Variants in CDH8 observed in about 807,000 individuals in gnomAD.
The protein encoded by CDH8 is cadherin-8.
A neutral mutation model predicts 68.1 loss-of-function variants in CDH8; 17 were observed. That is an observed-to-expected ratio of 0.25 (90% CI 0.17 to 0.37). CDH8 has a LOEUF of 0.37. Ranked by LOEUF, CDH8 falls within the 10% of genes least tolerant of loss-of-function variation. CDH8 has a pLI of 1.00. For synonymous variants in CDH8, 372 were observed against 365.1 expected (o/e 1.02, Z -0.21); for missense variants, 763 against 999.3 (o/e 0.76, Z 3.19).
intron 7 of CDH8, among the ~76,000 whole-genome samples, chr16:61,815,298 T>C (rs1037549753): frequency 6.6e-6 from 1 of 152,104 alleles, no homozygotes; most frequent in African/African-American, 2.4e-5. Flanking sequence ...AAAGTAGCAA[T>C]AGCAATAATA....
In CDH8 at chr16:61,763,432, C is replaced by T. The variant is rs560944078; in HGVS notation, c.1414+25914G>A. 3.3e-5 allele frequency among the ~76,000 whole-genome samples: 5 copies of T among 152,278 alleles called. 1 individual carries two copies. The highest frequency in any genetic ancestry group is 6.8e-3 in the Middle Eastern group (2 of 294). On this transcript the variant is annotated intron_variant, in intron 8 of 11. Transcript: ENST00000577390. Reference sequence around the variant, plus strand: ...AAGTCTGCATGTTCTCTTCCTCCTTCGCAAAGCATCCCATTGATCCTCTCA... The same window carrying T: ...AAGTCTGCATGTTCTCTTCCTCCTTTGCAAAGCATCCCATTGATCCTCTCA...
At chr16:61,735,846 G>A (rs1023693567) in intron 8 of CDH8, among the ~76,000 whole-genome samples, 6 of 152,080 alleles carry the variant, frequency 3.9e-5, no homozygotes, top group East Asian at 1.9e-4. Flanking sequence ...AGGCCAAGGC[G>A]GGGAGATCGC....
chr16:61,863,578 GGTGCAGC>G (rs748007572), intron 3 of CDH8, among the ~76,000 whole-genome samples: 45 of 152,196 alleles, frequency 3.0e-4, no homozygotes, highest in Non-Finnish European at 5.0e-4. Context: ...ACGACAGTTT[GGTGCAGC>G]GTAAAAATGT....
chr16:61,738,609 C>T (rs1471505072), intron 8 of CDH8, among the ~76,000 whole-genome samples: 3 of 152,032 alleles, frequency 2.0e-5, no homozygotes, highest in Non-Finnish European at 4.4e-5. Context: ...AATCACACTC[C>T]AAATAAAGAT....
chr16:61,849,081 C>A (rs1962882840), intron 4 of CDH8, among the ~76,000 whole-genome samples: 1 of 152,058 alleles, frequency 6.6e-6, no homozygotes, highest in African/African-American at 2.4e-5. Flanking sequence ...TTGCTACCTA[C>A]AATTTTTGTT....
At chr16:62,019,678 T>G (rs924368928) in intron 2 of CDH8, among the ~76,000 whole-genome samples, 1 of 152,170 alleles carries the variant, frequency 6.6e-6, no homozygotes, top group Non-Finnish European at 1.5e-5. Flanking sequence ...CTCCCTGAGT[T>G]TGTATCAAGG....
intron 8 of CDH8, among the ~76,000 whole-genome samples, chr16:61,732,525 T>C (rs1001220076): frequency 1.3e-5 from 2 of 151,796 alleles, no homozygotes; most frequent in Admixed American, 6.6e-5. Flanking sequence ...CCATCACAAG[T>C]ATCTTTCATA....
intron 10 of CDH8, among the ~76,000 whole-genome samples, chr16:61,695,229 C>A (rs1567426821): frequency 1.3e-5 from 2 of 152,202 alleles, no homozygotes; most frequent in Admixed American, 1.3e-4. Context: ...CTCCTACTTT[C>A]TTCTCCTTAT....
chr16:61,732,796 T>C (rs1959572778), intron 8 of CDH8, among the ~76,000 whole-genome samples: 1 of 151,716 alleles, frequency 6.6e-6, no homozygotes, highest in African/African-American at 2.4e-5. Context: ...TCTATGTATC[T>C]ATTTATATTA....
chr16:61,769,458 G>T (rs1212579863), intron 8 of CDH8, among the ~76,000 whole-genome samples: 2 of 151,634 alleles, frequency 1.3e-5, no homozygotes, highest in African/African-American at 4.8e-5. Context: ...ATCGTGGTCA[G>T]TTTACAATCC....
At chr16:61,887,766 T>C (rs1963702065) in intron 3 of CDH8, among the ~76,000 whole-genome samples, 1 of 152,154 alleles carries the variant, frequency 6.6e-6, no homozygotes, top group South Asian at 2.1e-4. Context: ...CCACTGTATT[T>C]ACATTTTTTA....
chr16:61,737,552 C>T (rs1258392923), intron 8 of CDH8, among the ~76,000 whole-genome samples: 1 of 151,962 alleles, frequency 6.6e-6, no homozygotes, highest in African/African-American at 2.4e-5. Flanking sequence ...CTCTCAATGA[C>T]TAAAGACGAA....
chr16:61,689,877 T>G (rs1289193095), intron 10 of CDH8, among the ~76,000 whole-genome samples: 1 of 152,012 alleles, frequency 6.6e-6, no homozygotes, highest in Non-Finnish European at 1.5e-5. Context: ...TTCAACTACT[T>G]TGCTCAAGGT....
intron 2 of CDH8, among the ~76,000 whole-genome samples, chr16:61,938,917 T>G (rs1482064681): frequency 1.3e-5 from 2 of 152,228 alleles, no homozygotes; most frequent in African/African-American, 4.8e-5. Flanking sequence ...TGTTCAGCAC[T>G]GTGCCAGCTA....
chr16:62,034,609 G>T (rs1371488036), intron 1 of CDH8, among the ~76,000 whole-genome samples: 1 of 152,012 alleles, frequency 6.6e-6, no homozygotes, highest in Non-Finnish European at 1.5e-5. Flanking sequence ...CGTTCCCATT[G>T]TCAGCCCCCA....
At chr16:61,931,909 T>C (rs774792535) in intron 2 of CDH8, among the ~76,000 whole-genome samples, 1 of 151,996 alleles carries the variant, frequency 6.6e-6, no homozygotes, top group Non-Finnish European at 1.5e-5. Context: ...TGTGATAGAA[T>C]ATAATGAAAA....
intron 3 of CDH8, among the ~76,000 whole-genome samples, chr16:61,858,534 G>T (rs1288670200): frequency 3.3e-5 from 5 of 152,184 alleles, no homozygotes; most frequent in African/African-American, 1.2e-4. Flanking sequence ...AAATGGGTGA[G>T]TGAATAAATT....
intron 7 of CDH8, among the ~76,000 whole-genome samples, chr16:61,795,786 T>A (rs1961484054): frequency 6.6e-6 from 1 of 152,146 alleles, no homozygotes; most frequent in East Asian, 1.9e-4. Context: ...CAGGGTTTAC[T>A]GTTTTCAAAA....
chr16:61,835,504 A>G (rs977159721), intron 4 of CDH8, among the ~76,000 whole-genome samples: 2 of 151,970 alleles, frequency 1.3e-5, no homozygotes, highest in African/African-American at 4.8e-5. Context: ...ATTCCCTGTT[A>G]AATAATTCTA....
Sources: gnomAD v4.1 joint callset for allele counts (sites outside exome capture counted in the v4.1 genomes callset) on GRCh38, gnomAD v4.1.1 for gene constraint, MANE v1.5 for transcripts, NCBI Gene and HGNC (gene_info 2026-07-23, HGNC 2026-07-21) for gene names.